ZDHHC14: variants seen among roughly 807,000 people sequenced by gnomAD.
ZDHHC14 encodes the protein zDHHC palmitoyltransferase 14.
A neutral mutation model predicts 47.7 loss-of-function variants in ZDHHC14; 16 were observed. That is an observed-to-expected ratio of 0.34 (90% CI 0.23 to 0.51). The LOEUF is 0.51. ZDHHC14 is among the 20% of genes least tolerant of loss of function. ZDHHC14 has a pLI of 0.97. For missense variants in ZDHHC14, 515 were observed against 662.5 expected (o/e 0.78, Z 2.44); for synonymous variants, 293 against 278.9 (o/e 1.05, Z -0.50).
chr6:157,539,543 A>G (rs1781669776), intron 1 of ZDHHC14, among the ~76,000 whole-genome samples: 3 of 152,200 alleles, frequency 2.0e-5, no homozygotes, highest in Admixed American at 2.0e-4. Flanking sequence ...AGTGGGAGGA[A>G]GCTGGCCGTT....
At chr6:157,533,315 G>T (rs965876329) in intron 1 of ZDHHC14, among the ~76,000 whole-genome samples, 3 of 152,152 alleles carry the variant, frequency 2.0e-5, no homozygotes, top group African/African-American at 7.2e-5. Context: ...TTAACAGTGT[G>T]CCAAGTGGGG....
chr6:157,536,366 C>T (rs1781544190), intron 1 of ZDHHC14, among the ~76,000 whole-genome samples: 1 of 152,152 alleles, frequency 6.6e-6, no homozygotes, highest in Non-Finnish European at 1.5e-5. Context: ...CTACTATTAA[C>T]AAACTTTTTT....
chr6:157,555,024 G>A (rs1782400574), intron 2 of ZDHHC14, among the ~76,000 whole-genome samples: 1 of 152,186 alleles, frequency 6.6e-6, no homozygotes, highest in South Asian at 2.1e-4. Context: ...CAGTTCTCAT[G>A]TTTTTAGGAG....
At position 157,676,383 on chromosome 6, in the gene ZDHHC14, CACAA is replaced by C. The variant is rs1264495003; in HGVS notation, c.*3262_*3265del. On this transcript the variant is annotated 3_prime_UTR_variant, in exon 9 of 9. Transcript: ENST00000359775. ...AAATCTCTGTTCTGGCCCAGAATGG[CACAA>C]GGGAGGAGTCTTTGCAGAGTTCCAC... 6.6e-6 allele frequency: 1 copy of C among 152,404 alleles called. No homozygotes were observed. The highest frequency in any genetic ancestry group is 1.5e-5 in the Non-Finnish European group (1 of 68,144). 9.4% of individuals were successfully genotyped at this position (152,404 alleles called of 1,614,324 possible).
chr6:157,589,330 A>T lies in ZDHHC14; in HGVS notation c.407-3658A>T, dbSNP rs558489034. Among the ~76,000 whole-genome samples the T allele has an allele frequency of 9.1e-4, 139 of 152,278 alleles. 1 individual carries two copies. The highest frequency in any genetic ancestry group is 3.4e-3 in the Middle Eastern group (1 of 294). ...CTGACATTGGGGATTACAATTCAAC[A>T]TAAGATCTGGGCAGGGATACAAAAC... On this transcript the variant is annotated intron_variant, in intron 2 of 8. Transcript: ENST00000359775.
chr6:157,445,264 T>G (rs1035305512), intron 1 of ZDHHC14, among the ~76,000 whole-genome samples: 19 of 152,226 alleles, frequency 1.2e-4, no homozygotes, highest in African/African-American at 4.1e-4. Context: ...CCAAAAGAGA[T>G]GGAAAGATTC....
chr6:157,658,809 G>C (rs1012020725), intron 8 of ZDHHC14, among the ~76,000 whole-genome samples: 1 of 152,136 alleles, frequency 6.6e-6, no homozygotes, highest in African/African-American at 2.4e-5. Context: ...TGTTGGTATC[G>C]GGGTAATACC....
intron 8 of ZDHHC14, among the ~76,000 whole-genome samples, chr6:157,671,248 C>A (rs1206010752): frequency 1.3e-5 from 2 of 152,194 alleles, no homozygotes; most frequent in African/African-American, 4.8e-5. Context: ...AAGAGGTCTA[C>A]CCCAGCTCCA....
chr6:157,447,566 G>A (rs1249339773), intron 1 of ZDHHC14, among the ~76,000 whole-genome samples: 19 of 152,182 alleles, frequency 1.2e-4, no homozygotes, highest in Admixed American at 1.2e-3. Context: ...TCCCCTCCAA[G>A]TGACAGGGAA....
rs536046481 is a variant in ZDHHC14 at position 157,435,438 on chromosome 6, A to G, written c.245+53172A>G. Among the ~76,000 whole-genome samples, 6 of 152,350 alleles carry G rather than the reference A, an allele frequency of 3.9e-5. No individual in the cohort carries two copies. The South Asian group carries it at 6.2e-4, about 16-fold the overall frequency. ...ATGAACCTTGAGGAAAGGCTAGGACATATGTATGCAGATGTGTGCCTCTTA... is the reference window on the plus strand; with the variant it reads ...ATGAACCTTGAGGAAAGGCTAGGACGTATGTATGCAGATGTGTGCCTCTTA... On this transcript the variant is annotated intron_variant, in intron 1 of 8. Coordinates refer to ENST00000359775, the MANE Select transcript of ZDHHC14 (RefSeq NM_024630.3).
intron 2 of ZDHHC14, among the ~76,000 whole-genome samples, chr6:157,544,669 AACAACC>A (rs1781903566): frequency 1.1e-5 from 1 of 92,550 alleles, no homozygotes; most frequent in African/African-American, 7.5e-5. Context: ...CAACAACAAC[AACAACC>A]AAAAAATAGA....
At chr6:157,509,162 A>G (rs1432524617) in intron 1 of ZDHHC14, among the ~76,000 whole-genome samples, 3 of 151,830 alleles carry the variant, frequency 2.0e-5, no homozygotes, top group African/African-American at 4.8e-5. Flanking sequence ...ACTTCTTCCA[A>G]CACCCCTCTA....
At chr6:157,605,143 GT>G (rs1188271876) in intron 3 of ZDHHC14, among the ~76,000 whole-genome samples, 1 of 152,176 alleles carries the variant, frequency 6.6e-6, no homozygotes, top group African/African-American at 2.4e-5. Flanking sequence ...ATGTGCCTTA[GT>G]TTTGAAAGCT....
chr6:157,510,210 C>T (rs570804883), intron 1 of ZDHHC14, among the ~76,000 whole-genome samples: 1 of 152,278 alleles, frequency 6.6e-6, no homozygotes, highest in Admixed American at 6.5e-5. Flanking sequence ...CGCCACTGCA[C>T]TCCAGCCTGG....
intron 8 of ZDHHC14, among the ~76,000 whole-genome samples, chr6:157,660,933 G>A (rs1375837242): frequency 2.0e-5 from 3 of 152,168 alleles, no homozygotes; most frequent in Admixed American, 6.5e-5. Context: ...GGATTTGAAC[G>A]GAATGTGCTA....
chr6:157,522,192 C>G (rs1357297193), intron 1 of ZDHHC14, among the ~76,000 whole-genome samples: 3 of 152,094 alleles, frequency 2.0e-5, no homozygotes, highest in Admixed American at 2.0e-4. Context: ...TTCAATGCAA[C>G]CTTTGTGTCA....
At chr6:157,396,557 T>C (rs1389640271) in intron 1 of ZDHHC14, among the ~76,000 whole-genome samples, 1 of 152,222 alleles carries the variant, frequency 6.6e-6, no homozygotes, top group Non-Finnish European at 1.5e-5. Flanking sequence ...TTGATGCAGA[T>C]TTTCCTGCCT....
chr6:157,499,488 C>A (rs1179058280), intron 1 of ZDHHC14, among the ~76,000 whole-genome samples: 1 of 151,770 alleles, frequency 6.6e-6, no homozygotes, highest in African/African-American at 2.4e-5. Context: ...AGCCCCCCAC[C>A]CCGATATCAT....
In ZDHHC14 at chr6:157,381,878, G is replaced by A. The variant is rs1777217930; in HGVS notation, c.-144G>A. ...TAACCTGGGTGTCCTCGGCAAAGTT[G>A]TCGCCGAGCCGGGAGCCCGTGTAGG... On this transcript the variant is annotated 5_prime_UTR_variant, in exon 1 of 9. Coordinates refer to ENST00000359775, the MANE Select transcript of ZDHHC14 (RefSeq NM_024630.3). The A allele has an allele frequency of 1.5e-6, 1 of 687,920 alleles. No homozygotes were observed. Among genetic ancestry groups the A allele is most frequent in the Non-Finnish European group, 1.8e-6 (1 of 561,816 alleles). 42.6% of individuals were successfully genotyped at this position (687,920 alleles called of 1,614,324 possible).
Sources: allele counts gnomAD v4.1 joint callset (sites outside exome capture counted in the v4.1 genomes callset), GRCh38; gene constraint gnomAD v4.1.1; transcripts MANE v1.5; gene names NCBI Gene and HGNC (gene_info 2026-07-23, HGNC 2026-07-21).